Variants in TVP23A observed in about 807,000 individuals in gnomAD.
TVP23A encodes the protein Golgi apparatus membrane protein TVP23 homolog A.
In TVP23A, 21 loss-of-function variants were observed where a neutral mutation model predicts 31.7. That is an observed-to-expected ratio of 0.66 (90% CI 0.47 to 0.95). The LOEUF (loss-of-function observed/expected upper bound fraction) is 0.95, where lower values mean the gene tolerates loss of function less well. Among genes scored for constraint, TVP23A ranks in the 40% least tolerant of loss-of-function variants. The probability of loss-of-function intolerance (pLI) is 0.00; values close to 1 mark genes in which losing one functional copy is unlikely to be tolerated. For synonymous variants in TVP23A, 104 were observed against 96.0 expected (o/e 1.08, Z -0.49); for missense variants, 279 against 255.6 (o/e 1.09, Z -0.62).
intron 2 of TVP23A, among the ~76,000 whole-genome samples, chr16:10,802,524 C>A (rs1359452785): frequency 6.6e-6 from 1 of 152,128 alleles, no homozygotes; most frequent in African/African-American, 2.4e-5. Context: ...AAGCGATCCT[C>A]TCGCCTCAAC....
exon 9 of TVP23A, chr16:10,761,518 A>G (rs1208545429): frequency 1.3e-6 from 2 of 1,498,700 alleles, no homozygotes; most frequent in Non-Finnish European, 1.9e-6. Flanking sequence ...TCTTGCTCTC[A>G]TGGATGAGGA....
Position 10,777,005 on chromosome 16 carries a change from C to G in TVP23A, c.90-1909G>C, listed in dbSNP as rs542614319. Among the ~76,000 whole-genome samples the G allele has an allele frequency of 6.6e-6, 1 of 152,244 alleles. No individual in the cohort carries two copies. Among genetic ancestry groups the G allele is most frequent in the South Asian group, 2.1e-4 (1 of 4,818 alleles). On this transcript the variant is annotated intron_variant, in intron 2 of 7. Coordinates refer to ENST00000299866, the MANE Select transcript of TVP23A (RefSeq NM_001079512.4). The surrounding 1 kb of genome is among the most constrained non-coding windows in gnomAD (Gnocchi z 4.5). The stretch of plus-strand genomic sequence containing the variant: ...AGGTCTTTATGACCTGTATCCTGTG[C>G]GACCTCCTATCTCATCCTGTGACTT...
At chr16:10,781,252 C>G (rs2032404171) in intron 2 of TVP23A, among the ~76,000 whole-genome samples, 2 of 151,702 alleles carry the variant, frequency 1.3e-5, no homozygotes, top group African/African-American at 4.8e-5. Flanking sequence ...TCGCTTGAAC[C>G]TGGGAGGTGG....
chr16:10,799,239 A>T (rs1476147714), intron 2 of TVP23A, among the ~76,000 whole-genome samples: 1 of 152,244 alleles, frequency 6.6e-6, no homozygotes, highest in South Asian at 2.1e-4. Flanking sequence ...CAGGTATAAG[A>T]TAATAAATGT....
chr16:10,806,358 A>G (rs1464147902), intron 2 of TVP23A, among the ~76,000 whole-genome samples: 3 of 152,154 alleles, frequency 2.0e-5, no homozygotes, highest in Non-Finnish European at 4.4e-5. Flanking sequence ...GAAAAAAAGA[A>G]AAGAACTAAA....
At chr16:10,757,988 A>G (rs1474676252), downstream of TVP23A, 1 of 1,614,132 alleles carries the variant, frequency 6.2e-7, no homozygotes, top group Non-Finnish European at 8.5e-7. The surrounding 1 kb of genome is among the most constrained non-coding windows in gnomAD (Gnocchi z 4.1). Context: ...ACCTGGCCAC[A>G]GCACACATCG....
chr16:10,757,762 G>A, downstream of TVP23A: 2 of 1,379,358 alleles, frequency 1.4e-6, no homozygotes, highest in East Asian at 4.7e-5. This position sits in a 1 kb window ranked among gnomAD's most constrained non-coding sequence, Gnocchi z 4.1. Context: ...TCAGAGTTAA[G>A]AGCCAACCTG....
intron 2 of TVP23A, among the ~76,000 whole-genome samples, chr16:10,798,012 G>A (rs1247537376): frequency 7.1e-6 from 1 of 141,806 alleles, no homozygotes; most frequent in Non-Finnish European, 1.5e-5. Context: ...CTGGAGTGCA[G>A]TGGCGCCATC....
At chr16:10,761,102 G>A (rs1900936258), downstream of TVP23A, 3 of 341,796 alleles carry the variant, frequency 8.8e-6, no homozygotes, top group South Asian at 6.2e-5. Context: ...ACTCACTATC[G>A]AGACCAGCAT....
downstream of TVP23A, among the ~76,000 whole-genome samples, chr16:10,759,815 C>T (rs1900818715): frequency 6.6e-6 from 1 of 152,150 alleles, no homozygotes; most frequent in Admixed American, 6.6e-5. This position sits in a 1 kb window ranked among gnomAD's most constrained non-coding sequence, Gnocchi z 4.7. Flanking sequence ...AGTCGCAGCC[C>T]ATTGACTTTC....
downstream of TVP23A, chr16:10,765,262 TACACACACACAC>T (rs139167455): frequency 1.6e-5 from 2 of 128,868 alleles, no homozygotes; most frequent in Admixed American, 9.7e-5. This position sits in a 1 kb window ranked among gnomAD's most constrained non-coding sequence, Gnocchi z 4.0. Context: ...CTCCATTAAA[TACACACACACAC>T]ACACACACAA....
intron 2 of TVP23A, among the ~76,000 whole-genome samples, chr16:10,801,610 C>A (rs1387174942): frequency 6.6e-6 from 1 of 152,114 alleles, no homozygotes; most frequent in African/African-American, 2.4e-5. Context: ...GCACATGCTA[C>A]CATGCCTGGA....
At position 10,779,258 on chromosome 16, in the gene TVP23A, T is replaced by C. The variant is rs1218017567; in HGVS notation, c.90-4162A>G. ...CCTTTTAAATGTTGCTTTAATCCTA[T>C]TTTATGCAGGTTGCTCCATCAGCAT... On this transcript the variant is annotated intron_variant, in intron 2 of 7. Transcript: ENST00000299866. This position sits in a 1 kb window ranked among gnomAD's most constrained non-coding sequence, Gnocchi z 4.9. Among the ~76,000 whole-genome samples the C allele has an allele frequency of 3.3e-5, 5 of 152,206 alleles. No individual in the cohort carries two copies. Among genetic ancestry groups the C allele is most frequent in the Non-Finnish European group, 7.3e-5 (5 of 68,044 alleles).
At chr16:10,795,547 G>A (rs1429201822) in intron 2 of TVP23A, among the ~76,000 whole-genome samples, 3 of 151,942 alleles carry the variant, frequency 2.0e-5, no homozygotes, top group African/African-American at 4.8e-5. Context: ...CACTGTGCCC[G>A]GCCTATCTGA....
chr16:10,795,185 C>G (rs539761422), intron 2 of TVP23A, among the ~76,000 whole-genome samples: 1 of 151,940 alleles, frequency 6.6e-6, no homozygotes, highest in East Asian at 1.9e-4. Context: ...GAGGCTCCCA[C>G]TGGCCAACAG....
intron 2 of TVP23A, among the ~76,000 whole-genome samples, chr16:10,807,346 C>A (rs1251897887): frequency 6.6e-6 from 1 of 152,212 alleles, no homozygotes; most frequent in Non-Finnish European, 1.5e-5. Context: ...GCCCCCCACA[C>A]CTCCGGCTTC....
At chr16:10,780,112 T>C (rs557218713) in intron 2 of TVP23A, among the ~76,000 whole-genome samples, 1 of 152,108 alleles carries the variant, frequency 6.6e-6, no homozygotes, top group East Asian at 1.9e-4. Context: ...AATGAATGAA[T>C]GAATGAATGA....
chr16:10,776,747 G>A (rs1335222311), intron 2 of TVP23A, among the ~76,000 whole-genome samples: 1 of 152,182 alleles, frequency 6.6e-6, no homozygotes, highest in Non-Finnish European at 1.5e-5. Flanking sequence ...AAGGGCTGCT[G>A]GTTGCCCATT....
chr16:10,797,255 C>T (rs2033439612), intron 2 of TVP23A, among the ~76,000 whole-genome samples: 1 of 151,878 alleles, frequency 6.6e-6, no homozygotes, highest in African/African-American at 2.4e-5. Flanking sequence ...GAATCTTGGC[C>T]AGGCGCAGTG....
Sources: allele counts gnomAD v4.1 joint callset (sites outside exome capture counted in the v4.1 genomes callset), GRCh38; gene constraint gnomAD v4.1.1; non-coding constraint Gnocchi (gnomAD v3.1); transcripts MANE v1.5; gene names NCBI Gene and HGNC (gene_info 2026-07-23, HGNC 2026-07-21).